The following DYNC2H1 variants were observed in gnomAD, a reference collection of about 807,000 sequenced individuals.
DYNC2H1 encodes the protein dynein cytoplasmic 2 heavy chain 1, also known as cytoplasmic dynein 2 heavy chain 1.
In DYNC2H1, 410 loss-of-function variants were observed where a neutral mutation model predicts 570.0. The observed-to-expected ratio is 0.72, with a 90% confidence interval of 0.66 to 0.78. The LOEUF is 0.78. DYNC2H1 is among the 30% of genes least tolerant of loss of function. The pLI, the probability that DYNC2H1 is intolerant of heterozygous loss-of-function variation, is 0.00. For missense variants in DYNC2H1, 4,865 were observed against 5,046.4 expected (o/e 0.96, Z 1.09); for synonymous variants, 1,688 against 1,677.6 (o/e 1.01, Z -0.15).
At chr11:103,113,855 TTAATG>T in intron 2 of DYNC2H1, 148 bp downstream of exon 2, 2 of 838,956 alleles carry the variant, frequency 2.4e-6, no homozygotes, top group Non-Finnish European at 3.3e-6. Flanking sequence ...AACTTAAATT[TTAATG>T]TAAGTTGTGG....
At chr11:103,389,989 G>C (rs1942066514) in intron 83 of DYNC2H1, among the ~76,000 whole-genome samples, 1 of 152,214 alleles carries the variant, frequency 6.6e-6, no homozygotes, top group South Asian at 2.1e-4. Context: ...TTTGGGTGGA[G>C]AGTTCTGTAG....
At chr11:103,343,442 C>CCTTT (rs112182014) in intron 82 of DYNC2H1, among the ~76,000 whole-genome samples, 32,814 of 151,812 alleles carry the variant, frequency 0.22, 3,681 homozygotes, top group Admixed American at 0.31. Flanking sequence ...GGACTCTGTT[C>CCTTT]CTTTAGGCAC....
chr11:103,166,386 C>T lies in DYNC2H1; in HGVS notation c.4762+338C>T, dbSNP rs186503671. On this transcript the variant is annotated intron_variant, in intron 31 of 88. Transcript: ENST00000375735. ...GTTATTTGAAAAAACTCGAGGAGAA[C>T]AATCTTTTATATATACCTAGATGTT... Among the ~76,000 whole-genome samples, 8 of 152,188 alleles carry T rather than the reference C, an allele frequency of 5.3e-5. No individual in the cohort carries two copies. The East Asian group carries it at 1.5e-3, about 29-fold the overall frequency.
At position 103,177,649 on chromosome 11, in the gene DYNC2H1, A is replaced by T; in HGVS notation, c.5968A>T (p.Arg1990Ter). The T allele has an allele frequency of 6.2e-7, 1 of 1,613,350 alleles. No homozygotes were observed. Among genetic ancestry groups the T allele is most frequent in the Non-Finnish European group, 8.5e-7 (1 of 1,179,648 alleles). Residue 1990 changes from arginine to a stop codon, truncating the protein, a stop_gained, in exon 38 of 89, where the codon AGA (arginine) becomes TGA (stop). Transcript: ENST00000375735. LOFTEE classifies it high-confidence loss of function. The surrounding 1 kb of genome is among the most constrained non-coding windows in gnomAD (Gnocchi z 4.4). The part of the protein sequence containing the change: ...PSGAGKSTLW[R>*]MLRAALCKTG... ...TGGTGCTGGAAAATCAACGCTTTGG[A>T]GAATGTTAAGGGCTGCGCTTTGTAA...
At chr11:103,281,400 G>T (rs1190185979) in intron 71 of DYNC2H1, among the ~76,000 whole-genome samples, 1 of 151,868 alleles carries the variant, frequency 6.6e-6, no homozygotes, top group South Asian at 2.1e-4. Context: ...TAAACAAATT[G>T]TCATTGGGAA....
Position 103,186,529 on chromosome 11 carries a change from G to A in DYNC2H1, c.6893+28G>A. 6.3e-7 allele frequency: 1 copy of A among 1,594,784 alleles called. No individual in the cohort carries two copies. Among genetic ancestry groups the A allele is most frequent in the Non-Finnish European group, 8.5e-7 (1 of 1,172,520 alleles). On this transcript the variant is annotated intron_variant, in intron 42 of 88. Coordinates refer to ENST00000375735, the MANE Select transcript of DYNC2H1 (RefSeq NM_001377.3). This position sits in a 1 kb window ranked among gnomAD's most constrained non-coding sequence, Gnocchi z 4.5. ...AAGAAAAATATTGGCAAAGGTATAT[G>A]TTGTGGATTTATTCCTGCCGCCCCT...
chr11:103,469,647 G>A (rs1945308838), intron 88 of DYNC2H1, among the ~76,000 whole-genome samples: 1 of 152,112 alleles, frequency 6.6e-6, no homozygotes, highest in South Asian at 2.1e-4. Context: ...TGACCTAAAA[G>A]AGCATATGTT....
intron 85 of DYNC2H1, among the ~76,000 whole-genome samples, chr11:103,436,595 T>G (rs1241553061): frequency 6.6e-6 from 1 of 152,114 alleles, no homozygotes; most frequent in Admixed American, 6.6e-5. Context: ...TTTAACCACA[T>G]TAACGTCTAC....
At chr11:103,135,439 A>C in intron 15 of DYNC2H1, 56 bp from the exon 16 acceptor site, 1 of 1,382,952 alleles carries the variant, frequency 7.2e-7, no homozygotes, top group Non-Finnish European at 9.4e-7. Context: ...GTATTAAATG[A>C]AAAATCCATT....
intron 82 of DYNC2H1, among the ~76,000 whole-genome samples, chr11:103,355,342 C>G (rs2566916): frequency 0.48 from 72,946 of 151,880 alleles, 19,404 homozygotes; most frequent in Admixed American, 0.59. Flanking sequence ...CTGGCAGTGA[C>G]TAACAAAAAT....
At chr11:103,293,554 G>C (rs1013780363) in intron 75 of DYNC2H1, among the ~76,000 whole-genome samples, 2 of 151,946 alleles carry the variant, frequency 1.3e-5, no homozygotes, top group Admixed American at 1.3e-4. Context: ...ATAAGTTATA[G>C]ATTTGTCCTT....
chr11:103,237,165 G>A (rs1864251903), intron 63 of DYNC2H1, among the ~76,000 whole-genome samples: 1 of 151,960 alleles, frequency 6.6e-6, no homozygotes, highest in Non-Finnish European at 1.5e-5. Flanking sequence ...ATTGGAAGAT[G>A]ATTTTTACTT....
At chr11:103,258,533 G>T (rs1418587146) in intron 69 of DYNC2H1, among the ~76,000 whole-genome samples, 1 of 152,020 alleles carries the variant, frequency 6.6e-6, no homozygotes, top group African/African-American at 2.4e-5. Flanking sequence ...GAGTTGAGGG[G>T]CTAAGACAGG....
In DYNC2H1 at chr11:103,215,875, C is replaced by T. The variant is rs753227666; in HGVS notation, c.8832+17C>T. Reference sequence around the variant, plus strand: ...TCAATGCAGGTAATGTTTAGAGTGACCACAAAAATGAAAACAATATGGAGA... The same window carrying T: ...TCAATGCAGGTAATGTTTAGAGTGATCACAAAAATGAAAACAATATGGAGA... On this transcript the variant is annotated intron_variant, in intron 55 of 88. Coordinates refer to ENST00000375735, the MANE Select transcript of DYNC2H1 (RefSeq NM_001377.3). The T allele has an allele frequency of 3.4e-5, 55 of 1,599,910 alleles. No homozygotes were observed. Among genetic ancestry groups the T allele is most frequent in the Non-Finnish European group, 4.4e-5 (52 of 1,173,846 alleles).
intron 83 of DYNC2H1, among the ~76,000 whole-genome samples, chr11:103,381,573 C>T (rs1487465334): frequency 1.3e-5 from 2 of 152,134 alleles, no homozygotes; most frequent in South Asian, 2.1e-4. Flanking sequence ...CTCAACCTCC[C>T]GCGTAGCTGG....
Position 103,236,469 on chromosome 11 carries a change from A to G in DYNC2H1, c.9749A>G (p.Gln3250Arg), listed in dbSNP as rs140830294. ...AGATTTCTTTGTACTGAAAGTGAGC[A>G]GTTAATTTGGAAAAGTGAAGGCCTA... ...LRRFLCTESE[Q>R]LIWKSEGLPS... The change falls in exon 63 of 89, where the codon CAG becomes CGG. Residue 3250 changes from glutamine to arginine, a missense_variant. Gln to Arg is a conservative substitution (Grantham distance 43). Transcript: ENST00000375735. 2.3e-3 allele frequency: 3,691 copies of G among 1,610,038 alleles called. 23 individuals are homozygous for G. The highest frequency in any genetic ancestry group is 0.011 in the South Asian group (1,041 of 90,872).
At chr11:103,173,926 A>G (rs1209074816) in intron 35 of DYNC2H1, 129 bp from the exon 36 acceptor site, 1 of 644,178 alleles carries the variant, frequency 1.6e-6, no homozygotes. Flanking sequence ...TGCTTCCCTT[A>G]TATAAATTAA....
intron 70 of DYNC2H1, among the ~76,000 whole-genome samples, chr11:103,276,318 A>G (rs1024489590): frequency 2.0e-5 from 3 of 152,142 alleles, no homozygotes; most frequent in Admixed American, 2.0e-4. Flanking sequence ...TTTTCATTGT[A>G]TGTATGTTTT....
At chr11:103,449,937 G>C (rs1944542509) in intron 85 of DYNC2H1, among the ~76,000 whole-genome samples, 1 of 152,034 alleles carries the variant, frequency 6.6e-6, no homozygotes, top group Admixed American at 6.6e-5. Flanking sequence ...ACCCAACTAT[G>C]ATGGCCATAA....
Sources: gnomAD v4.1 joint callset for allele counts (sites outside exome capture counted in the v4.1 genomes callset) on GRCh38, gnomAD v4.1.1 for gene constraint, Gnocchi (gnomAD v3.1) non-coding constraint, MANE v1.5 for transcripts, NCBI Gene and HGNC (gene_info 2026-07-23, HGNC 2026-07-21) for gene names.